Variants in TENM2 observed in about 807,000 individuals in gnomAD.
TENM2 encodes the protein teneurin transmembrane protein 2.
In TENM2, 52 loss-of-function variants were observed where a neutral mutation model predicts 245.2. That is an observed-to-expected ratio of 0.21 (90% CI 0.17 to 0.27). The LOEUF is 0.27. Ranked by LOEUF, TENM2 falls within the 10% of genes least tolerant of loss-of-function variation. The pLI, the probability that TENM2 is intolerant of heterozygous loss-of-function variation, is 1.00. For synonymous variants in TENM2, 1,363 were observed against 1,438.9 expected, an observed-to-expected ratio of 0.95 and a Z score of 1.19; for missense variants, 3,046 against 3,666.8, an observed-to-expected ratio of 0.83 and a Z score of 4.37.
chr5:168,202,044 A>C (rs1370414223), intron 17 of TENM2, among the ~76,000 whole-genome samples: 1 of 152,174 alleles, frequency 6.6e-6, no homozygotes, highest in African/African-American at 2.4e-5. Context: ...TTCCATCAAG[A>C]GGCACCTAAA....
the TENM2 span, among the ~76,000 whole-genome samples, chr5:167,013,920 G>C: frequency 6.6e-6 from 1 of 152,180 alleles, no homozygotes; most frequent in South Asian, 2.1e-4. Flanking sequence ...ATGTCGAGGA[G>C]CTTCTTTTGA....
At chr5:167,479,443 A>T (rs546385638) in intron 2 of TENM2, among the ~76,000 whole-genome samples, 1 of 152,320 alleles carries the variant, frequency 6.6e-6, no homozygotes, top group South Asian at 2.1e-4. Context: ...GGACAAACTC[A>T]TTGGCATCCA....
intron 2 of TENM2, among the ~76,000 whole-genome samples, chr5:167,449,564 ATAG>A (rs1765450143): frequency 6.7e-6 from 1 of 149,848 alleles, no homozygotes; most frequent in Non-Finnish European, 1.5e-5. Flanking sequence ...AGATAGATAG[ATAG>A]ATAAAGACAG....
At chr5:167,690,880 CGTATATATGTATATATTT>C (rs1383982504) in intron 2 of TENM2, among the ~76,000 whole-genome samples, 1 of 137,300 alleles carries the variant, frequency 7.3e-6, no homozygotes, top group Non-Finnish European at 1.6e-5. Context: ...CGTATATATT[CGTATATATGTATATATTT>C]GTATATATAT....
At chr5:167,757,178 G>T (rs546790096) in intron 2 of TENM2, among the ~76,000 whole-genome samples, 1 of 151,792 alleles carries the variant, frequency 6.6e-6, no homozygotes, top group African/African-American at 2.4e-5. Flanking sequence ...TGCCATGGTG[G>T]TTTGCTGCAT....
At chr5:167,242,046 G>GTTTTTTTTTTTTTTTTTTTTTTTTTTT in the TENM2 span, among the ~76,000 whole-genome samples, 1 of 131,500 alleles carries the variant, frequency 7.6e-6, no homozygotes, top group African/African-American at 2.8e-5. Flanking sequence ...TTTGTTTTTT[G>GTTTTTTTTTTTTTTTTTTTTTTTTTTT]TTTTTTTTTT....
intron 2 of TENM2, 27 bp from the exon 5 acceptor site, chr5:167,875,959 C>A (rs967636880): frequency 6.6e-7 from 1 of 1,523,494 alleles, no homozygotes; most frequent in Non-Finnish European, 8.9e-7. Flanking sequence ...CATTGCTGAC[C>A]TTTGACCCCT....
intron 2 of TENM2, among the ~76,000 whole-genome samples, chr5:167,519,504 A>C (rs903910108): frequency 1.3e-5 from 2 of 152,156 alleles, no homozygotes; most frequent in African/African-American, 4.8e-5. Context: ...ATGCACTTTA[A>C]AAAATAAGGA....
intron 2 of TENM2, among the ~76,000 whole-genome samples, chr5:167,561,165 A>G (rs1773563326): frequency 6.6e-6 from 1 of 152,212 alleles, no homozygotes; most frequent in South Asian, 2.1e-4. Flanking sequence ...ATCTACTATG[A>G]GGCAAATCAT....
At chr5:167,402,187 T>G (rs891739501) in intron 2 of TENM2, among the ~76,000 whole-genome samples, 6 of 152,182 alleles carry the variant, frequency 3.9e-5, no homozygotes, top group African/African-American at 1.4e-4. Flanking sequence ...AGATTCTCCT[T>G]GGTCACCAGT....
chr5:168,251,696 A>C (rs1431849235), intron 27 of TENM2, among the ~76,000 whole-genome samples: 3 of 152,256 alleles, frequency 2.0e-5, no homozygotes, highest in Admixed American at 2.0e-4. Flanking sequence ...CAATGTAAGC[A>C]GAAGAGGTAA....
intron 2 of TENM2, among the ~76,000 whole-genome samples, chr5:167,607,650 G>A (rs185509102): frequency 1.1e-4 from 16 of 152,222 alleles, no homozygotes; most frequent in African/African-American, 3.6e-4. Context: ...GCAATTTCTG[G>A]CGTGGATCCT....
intron 1 of TENM2, among the ~76,000 whole-genome samples, chr5:167,329,592 C>G (rs931214926): frequency 7.5e-6 from 1 of 133,082 alleles, no homozygotes; most frequent in African/African-American, 2.8e-5. Flanking sequence ...AGGTGGCATA[C>G]TCCCCTTACG....
At chr5:168,062,561 C>T (rs568342368) in intron 7 of TENM2, among the ~76,000 whole-genome samples, 29 of 152,200 alleles carry the variant, frequency 1.9e-4, no homozygotes, top group Admixed American at 1.4e-3. Context: ...ACACCATTTT[C>T]TTACAAAAAC....
chr5:168,015,923 C>T (rs186197187), intron 5 of TENM2, among the ~76,000 whole-genome samples: 1 of 152,266 alleles, frequency 6.6e-6, no homozygotes. Flanking sequence ...ATGGGAAAAC[C>T]AAGTCTTAGA....
intron 2 of TENM2, among the ~76,000 whole-genome samples, chr5:167,831,602 A>G (rs1351412472): frequency 6.6e-6 from 1 of 151,864 alleles, no homozygotes; most frequent in Non-Finnish European, 1.5e-5. Flanking sequence ...AAGTTCCCAC[A>G]TTAATGAATC....
At chr5:168,202,889 A>G (rs1040398940) in intron 17 of TENM2, among the ~76,000 whole-genome samples, 1 of 152,166 alleles carries the variant, frequency 6.6e-6, no homozygotes, top group African/African-American at 2.4e-5. Flanking sequence ...TTAAAAATGT[A>G]TGGCATCTCA....
intron 17 of TENM2, among the ~76,000 whole-genome samples, chr5:168,202,734 T>A (rs1033600357): frequency 2.6e-5 from 4 of 151,994 alleles, no homozygotes; most frequent in African/African-American, 9.7e-5. Flanking sequence ...TAAAAATGCA[T>A]CCTCCATTCA....
chr5:167,526,756 A>G (rs1010617459), intron 2 of TENM2, among the ~76,000 whole-genome samples: 2 of 152,084 alleles, frequency 1.3e-5, no homozygotes, highest in Admixed American at 6.6e-5. Flanking sequence ...GCCTTCTACC[A>G]TAGATAATGC....
Sources: allele counts gnomAD v4.1 joint callset (sites outside exome capture counted in the v4.1 genomes callset), GRCh38; gene constraint gnomAD v4.1.1; transcripts MANE v1.5; gene names NCBI Gene and HGNC (gene_info 2026-07-23, HGNC 2026-07-21).